The following CACNA1I variants were observed in gnomAD, a reference collection of about 807,000 sequenced individuals.
CACNA1I encodes the protein voltage-dependent T-type calcium channel subunit alpha-1I.
Under a neutral mutation model 201.6 loss-of-function variants are expected in CACNA1I, and 74 were observed. The observed-to-expected ratio is 0.37, with a 90% CI of 0.30 to 0.45. The LOEUF (loss-of-function observed/expected upper bound fraction) is 0.45. Among genes scored for constraint, CACNA1I ranks in the 20% least tolerant of loss-of-function variants. The probability of loss-of-function intolerance (pLI) is 1.00; values close to 1 mark genes in which losing one functional copy is unlikely to be tolerated. For synonymous variants in CACNA1I, 1,431 were observed against 1,345.2 expected, an observed-to-expected ratio of 1.06 and a Z score of -1.40; for missense variants, 2,346 against 3,138.1, an observed-to-expected ratio of 0.75 and a Z score of 6.03.
intron 6 of CACNA1I, among the ~76,000 whole-genome samples, chr22:39,642,085 C>T (rs1164864481): frequency 6.6e-6 from 1 of 152,102 alleles, no homozygotes; most frequent in African/African-American, 2.4e-5. Flanking sequence ...CCTCCGCTGC[C>T]CTGCGCTGCC....
rs1569075636 is a variant in CACNA1I at position 39,641,171 on chromosome 22, G to A, written c.1045G>A (p.Val349Ile). The A allele has an allele frequency of 6.2e-7, 1 of 1,612,666 alleles. No individual in the cohort carries two copies. ...NFDNIGYAWI[V>I]IFQVITLEGW... ...TGACAACATCGGTTATGCTTGGATT[G>A]TCATCTTCCAGGTGAGGCCATTCAG... Residue 349 changes from valine to isoleucine, a missense_variant, in exon 6 of 37, where the codon GTC (valine) becomes ATC (isoleucine). Val to Ile is a conservative substitution (Grantham distance 29, BLOSUM62 3). Around this residue, in one of 13 missense-constraint regions of CACNA1I, gnomAD observed 227 missense variants for 412.5 expected, o/e 0.55. Coordinates refer to ENST00000402142, the MANE Select transcript of CACNA1I (RefSeq NM_021096.4).
intron 20 of CACNA1I, 120 bp downstream of exon 20, chr22:39,664,279 T>G: frequency 1.2e-6 from 1 of 806,980 alleles, no homozygotes; most frequent in Non-Finnish European, 2.0e-6. Context: ...CGTAGCCCCA[T>G]GGCCCACCCC....
At chr22:39,679,556 C>T (rs1935629425) in intron 32 of CACNA1I, 111 bp downstream of exon 32, 4 of 1,058,306 alleles carry the variant, frequency 3.8e-6, no homozygotes, top group Non-Finnish European at 5.3e-6. Flanking sequence ...TTTCTGGGCC[C>T]CACCCTGCTC....
intron 1 of CACNA1I, among the ~76,000 whole-genome samples, chr22:39,576,007 T>C (rs1932334888): frequency 6.6e-6 from 1 of 152,102 alleles, no homozygotes; most frequent in Admixed American, 6.5e-5. Context: ...ACTCCTGACC[T>C]CAAGTGATCT....
rs774453200 is a variant in CACNA1I, at chr22:39,646,726, A to G, written c.1307A>G (p.Glu436Gly). The change falls in exon 8 of 37, where the codon GAG becomes GGG. Residue 436 changes from glutamate to glycine, a missense_variant. Physicochemically the swap from Glu to Gly is moderately conservative, Grantham distance 98. This residue lies in a region of CACNA1I where 312 missense variants were observed against 331.5 expected (regional missense o/e 0.94). Coordinates refer to ENST00000402142, the MANE Select transcript of CACNA1I (RefSeq NM_021096.4). ...ASYAEPGDCY[E>G]EIFQYVCHIL... ...TACGCCGAGCCTGGCGACTGCTACG[A>G]GGAGATCTTCCAGTATGTCTGCCAC... 5 of 1,598,150 alleles carry G rather than the reference A, an allele frequency of 3.1e-6. No homozygotes were observed. Among genetic ancestry groups the G allele is most frequent in the Non-Finnish European group, 4.3e-6 (5 of 1,172,718 alleles).
At chr22:39,679,481 A>G in intron 32 of CACNA1I, 36 bp downstream of exon 32, 1 of 1,350,250 alleles carries the variant, frequency 7.4e-7, no homozygotes, top group Non-Finnish European at 9.7e-7. Flanking sequence ...GGGTCGCCAG[A>G]GGGGGGGCAC....
In CACNA1I at chr22:39,666,043, C is replaced by T; in HGVS notation, c.4104+37C>T. The T allele has an allele frequency of 6.3e-7, 1 of 1,597,690 alleles. No homozygotes were observed. ...CGTCCTAGCCCTGATCAGACCCTCC[C>T]CTCTCTTGGATGCCAGTGGCTCTGG... is the stretch of plus-strand genomic sequence containing the variant. On this transcript the variant is annotated intron_variant, in intron 23 of 36. Coordinates refer to ENST00000402142, the MANE Select transcript of CACNA1I (RefSeq NM_021096.4). The surrounding 1 kb of genome is among the most constrained non-coding windows in gnomAD (Gnocchi z 4.1).
Position 39,684,238 on chromosome 22 carries a change from C to A in CACNA1I, c.5831-64C>A. 2.0e-6 allele frequency: 3 copies of A among 1,467,034 alleles called. No individual in the cohort carries two copies. Among genetic ancestry groups the A allele is most frequent in the Non-Finnish European group, 2.8e-6 (3 of 1,061,298 alleles). The allele number at this position is 1,467,034 out of a possible 1,614,324, so 90.9% of individuals were successfully genotyped here. A position where few individuals can be genotyped will look rare whatever the true frequency, so the allele number is the denominator to read the frequency against. The stretch of plus-strand genomic sequence containing the variant: ...CAGTGAGATTGGTGCTCAATGCCAC[C>A]TTCCAGGGGCTGCCCCCTGGCCTGA... On this transcript the variant is annotated intron_variant, in intron 35 of 36. Coordinates refer to ENST00000402142, the MANE Select transcript of CACNA1I (RefSeq NM_021096.4). This position sits in a 1 kb window ranked among gnomAD's most constrained non-coding sequence, Gnocchi z 4.6.
At position 39,659,344 on chromosome 22, in the gene CACNA1I, C is replaced by A. The variant is rs1422589148; in HGVS notation, c.2331-89C>A. 2 of 1,029,944 alleles carry A rather than the reference C, an allele frequency of 1.9e-6. No homozygotes were observed. Among genetic ancestry groups the A allele is most frequent in the Non-Finnish European group, 1.5e-6 (1 of 678,620 alleles). The allele number at this position is 1,029,944 out of a possible 1,614,324, so 63.8% of individuals were successfully genotyped here. A position where few individuals can be genotyped will look rare whatever the true frequency, so the allele number is the denominator to read the frequency against. On this transcript the variant is annotated intron_variant, in intron 12 of 36. Coordinates refer to ENST00000402142, the MANE Select transcript of CACNA1I (RefSeq NM_021096.4). This position sits in a 1 kb window ranked among gnomAD's most constrained non-coding sequence, Gnocchi z 4.3. ...CGCTGCCCCGCCTCCCCCTGCCCTG[C>A]ATTTTACTGAGTTGACTGAGAATGA...
Position 39,650,018 on chromosome 22 carries a change from G to A in CACNA1I, c.1992+93G>A, listed in dbSNP as rs140755888. On this transcript the variant is annotated intron_variant, in intron 10 of 36. Transcript: ENST00000402142. ...TGGGCAGCCCCATCCATCTGCCTGGGTTTGTGTGTCTGTCCACCTAGAAGT... is the reference window on the plus strand; with the variant it reads ...TGGGCAGCCCCATCCATCTGCCTGGATTTGTGTGTCTGTCCACCTAGAAGT... The A allele has an allele frequency of 3.4e-5, 46 of 1,371,148 alleles. No homozygotes were observed. In the African/African-American group the frequency reaches 6.2e-4, roughly 18 times the overall value. The allele number at this position is 1,371,148 out of a possible 1,614,324, so 84.9% of individuals were successfully genotyped here.
rs1316023920 is a variant in CACNA1I at position 39,648,163 on chromosome 22, T to C, written c.1567+237T>C. On this transcript the variant is annotated intron_variant, in intron 9 of 36. Transcript: ENST00000402142. This position sits in a 1 kb window ranked among gnomAD's most constrained non-coding sequence, Gnocchi z 5.4. ...AGCCCTGTCCTTCCAGCTCTCACAG[T>C]CTGGGAATCGATTCTTGGGAGGCAA... Among the ~76,000 whole-genome samples the C allele has an allele frequency of 1.3e-5, 2 of 151,836 alleles. No homozygotes were observed. Among genetic ancestry groups the C allele is most frequent in the East Asian group, 3.9e-4 (2 of 5,144 alleles).
intron 1 of CACNA1I, among the ~76,000 whole-genome samples, chr22:39,586,395 G>A (rs941105213): frequency 8.5e-5 from 13 of 152,128 alleles, no homozygotes; most frequent in Non-Finnish European, 1.3e-4. Flanking sequence ...GGGAAGTGGA[G>A]GCAGGAGAAT....
At position 39,686,627 on chromosome 22, in the gene CACNA1I, CATAT is replaced by C. The variant is rs72041195; in HGVS notation, c.*245_*248del. 12,725 of 127,054 alleles carry C rather than the reference CATAT, an allele frequency of 0.1. 1,928 individuals carry two copies. Among genetic ancestry groups the C allele is most frequent in the African/African-American group, 0.32 (11,948 of 37,060 alleles). 7.9% of individuals were successfully genotyped at this position (127,054 alleles called of 1,614,324 possible). A position where few individuals can be genotyped will look rare whatever the true frequency, so the allele number is the denominator to read the frequency against. On this transcript the variant is annotated 3_prime_UTR_variant, in exon 37 of 37. Transcript: ENST00000402142. ...ATACATACATATATATATATATATGCATATATATATATATATATATATATATGTG... is the reference window on the plus strand; with the variant it reads ...ATACATACATATATATATATATATGCATATATATATATATATATATATGTG...
chr22:39,592,268 C>G (rs566211316), intron 1 of CACNA1I, among the ~76,000 whole-genome samples: 18 of 152,202 alleles, frequency 1.2e-4, no homozygotes, highest in Non-Finnish European at 2.4e-4. Flanking sequence ...CGTCAGGGAT[C>G]TAACCAGCTT....
chr22:39,604,294 C>T (rs1282104352), intron 3 of CACNA1I, among the ~76,000 whole-genome samples: 1 of 152,106 alleles, frequency 6.6e-6, no homozygotes, highest in Non-Finnish European at 1.5e-5. Context: ...TGAAGAGCTG[C>T]CTAGCTTCAG....
chr22:39,646,110 G>A (rs470071), intron 7 of CACNA1I, among the ~76,000 whole-genome samples: 110,221 of 151,798 alleles, frequency 0.73, 40,446 homozygotes, highest in East Asian at 0.99. Flanking sequence ...AGCAGATTCC[G>A]GTCGGGCCCA....
At chr22:39,664,694 C>T in intron 20 of CACNA1I, 45 bp from the exon 21 acceptor site, 1 of 869,334 alleles carries the variant, frequency 1.2e-6, no homozygotes, top group Non-Finnish European at 1.8e-6. Context: ...CCCACCTGCC[C>T]GCCCCTCCCG....
rs372506372 is a variant in CACNA1I, at chr22:39,661,938, G to A, written c.2902-27G>A. The A allele has an allele frequency of 3.8e-5, 54 of 1,439,276 alleles. No individual in the cohort carries two copies. The African/African-American group carries it at 7.7e-4, about 21-fold the overall frequency. The allele number at this position is 1,439,276 out of a possible 1,614,324, so 89.2% of individuals were successfully genotyped here. Reference sequence around the variant, plus strand: ...CCAGCCGTGGGTGTGCCTGTGGGGCGCTGACCCGAACGGGAACTCCTTCCA... The same window carrying A: ...CCAGCCGTGGGTGTGCCTGTGGGGCACTGACCCGAACGGGAACTCCTTCCA... On this transcript the variant is annotated intron_variant, in intron 16 of 36. Transcript: ENST00000402142.
In CACNA1I at chr22:39,674,020, A is replaced by T; in HGVS notation, c.4841A>T (p.Gln1614Leu). ...CGGGCCCTGCTGGACACGGTGGTGC[A>T]AGCTTTGCCCCAGGTAAGAGCCACT... ...GMRALLDTVV[Q>L]ALPQVGNLGL... Residue 1614 changes from glutamine (Q) to leucine (L), a missense_variant, in exon 29 of 37, where the codon CAA becomes CTA. Gln to Leu is a moderately radical substitution (Grantham distance 113). This residue lies in a region of CACNA1I where 50 missense variants were observed against 43.6 expected (regional missense o/e 1.15). Transcript: ENST00000402142. 6.2e-7 allele frequency: 1 copy of T among 1,613,260 alleles called. No homozygotes were observed. Among genetic ancestry groups the T allele is most frequent in the South Asian group, 1.1e-5 (1 of 91,050 alleles).
Sources: gnomAD v4.1 joint callset for allele counts (sites outside exome capture counted in the v4.1 genomes callset) on GRCh38, gnomAD v4.1.1 for gene constraint, gnomAD v4.1.1 regional missense constraint, Gnocchi (gnomAD v3.1) non-coding constraint, MANE v1.5 for transcripts, NCBI Gene and HGNC (gene_info 2026-07-23, HGNC 2026-07-21) for gene names.